Variants in COL14A1 observed in about 807,000 individuals in gnomAD.
The protein encoded by COL14A1 is collagen alpha-1(XIV) chain.
COL14A1 carries 136 observed loss-of-function variants against 230.3 expected under a neutral mutation model. That is an observed-to-expected ratio of 0.59 (90% confidence interval 0.51 to 0.68). The LOEUF (loss-of-function observed/expected upper bound fraction) is 0.68. Ranked by LOEUF, COL14A1 falls within the 30% of genes least tolerant of loss-of-function variation. COL14A1 has a pLI of 0.00. For missense variants in COL14A1, 1,976 were observed against 2,215.8 expected (o/e 0.89, Z 2.17); for synonymous variants, 792 against 784.1 (o/e 1.01, Z -0.17).
At chr8:120,355,601 CG>C (rs1269750132) in intron 45 of COL14A1, among the ~76,000 whole-genome samples, 1 of 151,800 alleles carries the variant, frequency 6.6e-6, no homozygotes, top group Non-Finnish European at 1.5e-5. Flanking sequence ...TTAGTAGAGA[CG>C]GGGTTTCACC....
rs1412212003 is a variant in COL14A1 at position 120,231,600 on chromosome 8, G to A, written c.2331G>A (p.Glu777=). The A allele has an allele frequency of 6.2e-7, 1 of 1,613,696 alleles. No homozygotes were observed. The highest frequency in any genetic ancestry group is 2.2e-5 in the East Asian group (1 of 44,854). The change falls in exon 19 of 48, where the codon GAG becomes GAA. Residue 777 remains glutamate (E), a synonymous_variant. Coordinates refer to ENST00000297848, the MANE Select transcript of COL14A1 (RefSeq NM_021110.4). The stretch of plus-strand genomic sequence containing the variant: ...ACATGACAGCTCAAGGGGACCCTGA[G>A]GAAGAAGTCATAGGAACGGTCTGTA... The part of the protein sequence containing the change: ...VTYMTAQGDP[E]EEVIGTVMVP...
At chr8:120,131,838 CTTTTTTTT>C (rs1172286717) in intron 1 of COL14A1, among the ~76,000 whole-genome samples, 92 of 68,990 alleles carry the variant, frequency 1.3e-3, no homozygotes, top group African/African-American at 4.6e-3. Context: ...TTCTTCCTTT[CTTTTTTTT>C]TTTTTTTTTT....
At chr8:120,184,507 C>T (rs1297523454) in intron 5 of COL14A1, among the ~76,000 whole-genome samples, 4 of 152,056 alleles carry the variant, frequency 2.6e-5, no homozygotes, top group South Asian at 2.1e-4. Context: ...TGCCCGCCTC[C>T]GCCTCCCAAA....
At chr8:120,359,470 G>A (rs73705071) in intron 45 of COL14A1, among the ~76,000 whole-genome samples, 2,230 of 152,196 alleles carry the variant, frequency 0.015, 49 homozygotes, top group African/African-American at 0.049. Context: ...AGTTCTGCAA[G>A]GAATGAAGAC....
At chr8:120,141,084 G>T (rs1814892271) in intron 1 of COL14A1, among the ~76,000 whole-genome samples, 1 of 152,142 alleles carries the variant, frequency 6.6e-6, no homozygotes, top group Admixed American at 6.5e-5. Flanking sequence ...TGACATTTTG[G>T]TAAATGTTAA....
chr8:120,151,727 G>C (rs537924039), intron 2 of COL14A1, among the ~76,000 whole-genome samples: 1 of 151,656 alleles, frequency 6.6e-6, no homozygotes, highest in Non-Finnish European at 1.5e-5. Context: ...TTCAGAACTA[G>C]TGAATATGTT....
At chr8:120,307,633 G>T (rs1484689135) in intron 36 of COL14A1, among the ~76,000 whole-genome samples, 1 of 152,094 alleles carries the variant, frequency 6.6e-6, no homozygotes, top group Non-Finnish European at 1.5e-5. Context: ...GTCACAGTGA[G>T]AATAAATGCA....
intron 45 of COL14A1, among the ~76,000 whole-genome samples, chr8:120,364,680 C>T (rs781389364): frequency 1.6e-4 from 25 of 152,124 alleles, no homozygotes; most frequent in Middle Eastern, 3.4e-3. Flanking sequence ...GTCAGGAGTT[C>T]GAGACCAGCC....
At chr8:120,204,936 C>T (rs1817381092) in intron 9 of COL14A1, among the ~76,000 whole-genome samples, 1 of 152,058 alleles carries the variant, frequency 6.6e-6, no homozygotes, top group African/African-American at 2.4e-5. Flanking sequence ...GATTCATTAC[C>T]ATCTGCTGGG....
chr8:120,187,548 T>A (rs1563659133), intron 5 of COL14A1, among the ~76,000 whole-genome samples: 1 of 152,340 alleles, frequency 6.6e-6, no homozygotes, highest in East Asian at 1.9e-4. Context: ...AAAAAATAAA[T>A]AAATTTCATC....
rs137895345 is a variant in COL14A1 at position 120,267,863 on chromosome 8, T to C, written c.3073+980T>C. On this transcript the variant is annotated intron_variant, in intron 25 of 47. Transcript: ENST00000297848. ...AATCTATGTTTAAGAATGATAACTT[T>C]GGTGAAATAGGGAGGATGGACTAGA... 9.9e-5 allele frequency among the ~76,000 whole-genome samples: 15 copies of C among 151,946 alleles called. No homozygotes were observed. In the East Asian group the frequency reaches 2.9e-3, roughly 29 times the overall value.
chr8:120,358,325 C>G (rs1336168061), intron 45 of COL14A1, among the ~76,000 whole-genome samples: 1 of 152,124 alleles, frequency 6.6e-6, no homozygotes, highest in Non-Finnish European at 1.5e-5. Context: ...TACAATGAGG[C>G]TACATTGTCC....
intron 40 of COL14A1, among the ~76,000 whole-genome samples, chr8:120,329,295 T>C (rs1400415916): frequency 6.6e-6 from 1 of 152,120 alleles, no homozygotes. Flanking sequence ...TTGGACAGGC[T>C]ACATTTAAAC....
At chr8:120,289,891 AATGG>A (rs879124430) in intron 34 of COL14A1, 125 bp downstream of exon 34, 64 of 964,532 alleles carry the variant, frequency 6.6e-5, no homozygotes, top group Non-Finnish European at 7.6e-5. Flanking sequence ...TGGATGAATG[AATGG>A]ATGGATGGAT....
Position 120,199,461 on chromosome 8 carries a change from G to A in COL14A1, c.772G>A (p.Gly258Arg), listed in dbSNP as rs759484420. 4 of 1,612,338 alleles carry A rather than the reference G, an allele frequency of 2.5e-6. No individual in the cohort carries two copies. Among genetic ancestry groups the A allele is most frequent in the Non-Finnish European group, 3.4e-6 (4 of 1,179,342 alleles). ...SFKPEAGSRT[G>R]VSKIGILITD... ...CAAACCAGAAGCAGGATCAAGGACT[G>A]GAGTATCCAAAATTGGCATTTTAAT... is the stretch of plus-strand genomic sequence containing the variant. The change falls in exon 8 of 48, where the codon GGA becomes AGA. Residue 258 changes from glycine to arginine, a missense_variant. By Grantham distance (125) the Gly-to-Arg change is moderately radical (BLOSUM62 -2). Transcript: ENST00000297848.
intron 26 of COL14A1, 97 bp from the exon 27 acceptor site, chr8:120,278,014 A>T: frequency 9.0e-7 from 1 of 1,116,882 alleles, no homozygotes; most frequent in Non-Finnish European, 1.2e-6. Context: ...TAATGAGATA[A>T]TGAAGAAATT....
chr8:120,300,626 C>A, intron 35 of COL14A1, 106 bp from the exon 36 acceptor site: 1 of 867,142 alleles, frequency 1.2e-6, no homozygotes, highest in Non-Finnish European at 1.8e-6. Flanking sequence ...CTAATGTGCA[C>A]TTGAAAATCT....
At chr8:120,151,198 G>A (rs1815267542) in intron 2 of COL14A1, among the ~76,000 whole-genome samples, 1 of 151,992 alleles carries the variant, frequency 6.6e-6, no homozygotes. Context: ...CTACCATTAC[G>A]CCTCTTATTT....
At position 120,347,561 on chromosome 8, in the gene COL14A1, T is replaced by G. The variant is rs181390574; in HGVS notation, c.5077+1998T>G. Among the ~76,000 whole-genome samples, 287 of 152,274 alleles carry G rather than the reference T, an allele frequency of 1.9e-3. 4 individuals are homozygous for G. The highest frequency in any genetic ancestry group is 2.7e-3 in the East Asian group (14 of 5,162). On this transcript the variant is annotated intron_variant, in intron 45 of 47. Coordinates refer to ENST00000297848, the MANE Select transcript of COL14A1 (RefSeq NM_021110.4). ...GGATTTGCTGCTGCAAGGTAGGCAG[T>G]GATGTTTGGGATCCAAATATCCAGG...
Sources: gnomAD v4.1 joint callset for allele counts (sites outside exome capture counted in the v4.1 genomes callset) on GRCh38, gnomAD v4.1.1 for gene constraint, MANE v1.5 for transcripts, NCBI Gene and HGNC (gene_info 2026-07-23, HGNC 2026-07-21) for gene names.